The following LSAMP variants were observed in gnomAD, a reference collection of about 807,000 sequenced individuals.
LSAMP encodes the protein limbic system associated membrane protein.
A neutral mutation model predicts 38.6 loss-of-function variants in LSAMP; 7 were observed. That is an observed-to-expected ratio of 0.18 (90% confidence interval 0.10 to 0.34). LSAMP has a LOEUF of 0.34. LSAMP is among the 10% of genes least tolerant of loss of function. The pLI, the probability that LSAMP is intolerant of heterozygous loss-of-function variation, is 1.00. For missense variants in LSAMP, 313 were observed against 420.0 expected (o/e 0.75, Z 2.23); for synonymous variants, 154 against 166.8 (o/e 0.92, Z 0.59).
chr3:115,814,417 C>G (rs1048736962), intron 6 of LSAMP, among the ~76,000 whole-genome samples: 3 of 152,158 alleles, frequency 2.0e-5, no homozygotes, highest in African/African-American at 7.2e-5. Flanking sequence ...ATTTTTTTGG[C>G]AAGTCTCTAG....
At chr3:116,255,841 T>C (rs2046742668) in intron 1 of LSAMP, among the ~76,000 whole-genome samples, 1 of 152,216 alleles carries the variant, frequency 6.6e-6, no homozygotes, top group South Asian at 2.1e-4. Context: ...AACGTGTTAC[T>C]AACCTATGCT....
chr3:116,329,690 T>C (rs1283748913), intron 1 of LSAMP, among the ~76,000 whole-genome samples: 1 of 152,126 alleles, frequency 6.6e-6, no homozygotes, highest in Non-Finnish European at 1.5e-5. Context: ...GACTTTATGA[T>C]ATAATGATAA....
At chr3:116,091,860 G>C (rs1708131869) in intron 1 of LSAMP, among the ~76,000 whole-genome samples, 1 of 152,140 alleles carries the variant, frequency 6.6e-6, no homozygotes, top group Non-Finnish European at 1.5e-5. Flanking sequence ...TTCCGCTTTG[G>C]GTGGGTTTTA....
intron 1 of LSAMP, among the ~76,000 whole-genome samples, chr3:116,358,618 A>G (rs571364998): frequency 6.6e-6 from 1 of 152,282 alleles, no homozygotes; most frequent in African/African-American, 2.4e-5. Context: ...AATAAAATCC[A>G]CCGATCGAAA....
chr3:116,424,143 C>T (rs1251165796), intron 1 of LSAMP, among the ~76,000 whole-genome samples: 1 of 152,204 alleles, frequency 6.6e-6, no homozygotes, highest in Non-Finnish European at 1.5e-5. Context: ...TTTATTTCCA[C>T]TGTGTGTAGT....
At chr3:116,251,242 C>G (rs2046680954) in intron 1 of LSAMP, among the ~76,000 whole-genome samples, 1 of 152,216 alleles carries the variant, frequency 6.6e-6, no homozygotes, top group African/African-American at 2.4e-5. Flanking sequence ...ATCAATTTAA[C>G]TTATGATTTC....
chr3:116,413,393 C>A (rs561144052), intron 1 of LSAMP, among the ~76,000 whole-genome samples: 1 of 152,038 alleles, frequency 6.6e-6, no homozygotes, highest in South Asian at 2.1e-4. Context: ...TATTAAGGAC[C>A]TATTTTATGT....
At chr3:116,215,367 G>C (rs920550234) in intron 1 of LSAMP, among the ~76,000 whole-genome samples, 1 of 151,994 alleles carries the variant, frequency 6.6e-6, no homozygotes, top group African/African-American at 2.4e-5. Context: ...TTCCATGTGA[G>C]TGCAAGTGAT....
chr3:116,076,542 C>T (rs949810485), intron 2 of LSAMP, among the ~76,000 whole-genome samples: 3 of 152,200 alleles, frequency 2.0e-5, no homozygotes, highest in African/African-American at 7.2e-5. Context: ...CAGGCATGAG[C>T]CACCACACCC....
chr3:115,994,353 G>C (rs565816426), intron 3 of LSAMP, among the ~76,000 whole-genome samples: 76 of 152,176 alleles, frequency 5.0e-4, no homozygotes, highest in African/African-American at 1.8e-3. Context: ...TATGAAGGGA[G>C]CTCTAGTCAT....
intron 1 of LSAMP, among the ~76,000 whole-genome samples, chr3:116,326,500 A>G (rs919202105): frequency 2.0e-5 from 3 of 152,058 alleles, no homozygotes; most frequent in African/African-American, 7.2e-5. Flanking sequence ...AGTGCAATGC[A>G]GCAATGGGAA....
At chr3:116,022,780 T>G (rs1940675292) in intron 2 of LSAMP, among the ~76,000 whole-genome samples, 1 of 152,198 alleles carries the variant, frequency 6.6e-6, no homozygotes, top group Non-Finnish European at 1.5e-5. Context: ...AATCAACATC[T>G]GCAGCCCAGA....
intron 1 of LSAMP, among the ~76,000 whole-genome samples, chr3:116,121,565 T>A (rs1441215622): frequency 6.6e-6 from 1 of 152,236 alleles, no homozygotes; most frequent in African/African-American, 2.4e-5. Flanking sequence ...TTTATCAATA[T>A]GCTCAGTTGG....
chr3:116,323,171 G>C (rs893988319), intron 1 of LSAMP, among the ~76,000 whole-genome samples: 8 of 152,192 alleles, frequency 5.3e-5, no homozygotes, highest in African/African-American at 1.9e-4. Context: ...GAAAGAGCAG[G>C]AATGTGTTAA....
In LSAMP at chr3:115,810,349, C is replaced by T; in HGVS notation, c.985G>A (p.Ala329Thr). Residue 329 changes from alanine (A) to threonine (T), a missense_variant, in exon 7 of 7, where the codon GCA becomes ACA. By Grantham distance (58) the Ala-to-Thr change is moderately conservative (BLOSUM62 0). Coordinates refer to ENST00000490035, the MANE Select transcript of LSAMP (RefSeq NM_002338.5). ...TTGCTGAGAAGGCAGAGCAGAGATG[C>T]TGCCAGCAGCCACAGTGGTACGGCC... is the stretch of plus-strand genomic sequence containing the variant. ...SLAVPLWLLAASLLCLLSKC is the reference protein window; with the variant it reads ...SLAVPLWLLATSLLCLLSKC The T allele has an allele frequency of 6.2e-7, 1 of 1,613,504 alleles. No individual in the cohort carries two copies. Among genetic ancestry groups the T allele is most frequent in the South Asian group, 1.1e-5 (1 of 90,998 alleles).
chr3:116,396,915 A>G lies in LSAMP; in HGVS notation c.155+47962T>C, dbSNP rs534773198. Among the ~76,000 whole-genome samples the G allele has an allele frequency of 1.2e-4, 18 of 152,320 alleles. 2 individuals are homozygous for G. Among genetic ancestry groups the G allele is most frequent in the Admixed American group, 1.2e-3 (18 of 15,300 alleles). On this transcript the variant is annotated intron_variant, in intron 1 of 6. Transcript: ENST00000490035. ...TTCACATCCCATCCATCATGACATAATATCATTTCTATCATCAAAACAAAT... is the reference window on the plus strand; with the variant it reads ...TTCACATCCCATCCATCATGACATAGTATCATTTCTATCATCAAAACAAAT...
intron 1 of LSAMP, among the ~76,000 whole-genome samples, chr3:116,112,658 A>T (rs149236548): frequency 6.6e-6 from 1 of 152,218 alleles, no homozygotes; most frequent in East Asian, 1.9e-4. Flanking sequence ...GAAAGAGTGG[A>T]TCTGGTGGCA....
chr3:115,863,381 A>G (rs1208434880), intron 3 of LSAMP, among the ~76,000 whole-genome samples: 1 of 151,740 alleles, frequency 6.6e-6, no homozygotes, highest in South Asian at 2.1e-4. Flanking sequence ...TTTTGGTTTG[A>G]TTGATCTGTG....
chr3:115,979,510 C>T (rs1388811468), intron 3 of LSAMP, among the ~76,000 whole-genome samples: 2 of 152,110 alleles, frequency 1.3e-5, no homozygotes, highest in East Asian at 3.8e-4. Context: ...TATGAGAAAG[C>T]ATGGCTTTGA....
Sources: gnomAD v4.1 joint callset for allele counts (sites outside exome capture counted in the v4.1 genomes callset) on GRCh38, gnomAD v4.1.1 for gene constraint, MANE v1.5 for transcripts, NCBI Gene and HGNC (gene_info 2026-07-23, HGNC 2026-07-21) for gene names.